The following SYDE2 variants were observed in gnomAD, a reference collection of about 807,000 sequenced individuals.
The protein encoded by SYDE2 is rho GTPase-activating protein SYDE2.
In SYDE2, 76 loss-of-function variants were observed where a neutral mutation model predicts 91.5. That is an observed-to-expected ratio of 0.83 (90% CI 0.69 to 1.01). SYDE2 has a LOEUF of 1.01. SYDE2 is among the 50% of genes least tolerant of loss of function. The pLI, the probability that SYDE2 is intolerant of heterozygous loss-of-function variation, is 0.00. For missense variants in SYDE2, 1,364 were observed against 1,367.7 expected (o/e 1.00, Z 0.04); for synonymous variants, 513 against 506.4 (o/e 1.01, Z -0.18).
intron 6 of SYDE2, chr1:85,159,924 A>C (rs984605577): frequency 4.1e-6 from 4 of 984,716 alleles, no homozygotes; most frequent in Non-Finnish European, 4.8e-6. Context: ...TAACAATCCC[A>C]AATAACATTT....
chr1:85,155,009 C>CAAAAAAAAAAAAAAAAAAAGAAAAAAAA, downstream of SYDE2, among the ~76,000 whole-genome samples: 1 of 80,676 alleles, frequency 1.2e-5, no homozygotes, highest in African/African-American at 6.3e-5. Flanking sequence ...AAGAATGCAG[C>CAAAAAAAAAAAAAAAAAAAGAAAAAAAA]AAAAAAAAAA....
At chr1:85,166,579 A>T (rs1007355866) in intron 5 of SYDE2, among the ~76,000 whole-genome samples, 6 of 152,188 alleles carry the variant, frequency 3.9e-5, no homozygotes, top group African/African-American at 1.4e-4. Flanking sequence ...AAGTGATAAC[A>T]GCTGGAATAA....
chr1:85,190,796 T>C (rs755213363), intron 1 of SYDE2, 44 bp from the exon 2 acceptor site: 1 of 1,480,138 alleles, frequency 6.8e-7, no homozygotes, highest in Non-Finnish European at 9.1e-7. Context: ...ATGGCTGGTA[T>C]ATCAGAAAGA....
chr1:85,176,169 T>A (rs987498651), intron 4 of SYDE2, among the ~76,000 whole-genome samples: 2 of 136,546 alleles, frequency 1.5e-5, no homozygotes, highest in Admixed American at 1.4e-4. Flanking sequence ...GCTGGAAATT[T>A]GTATTTATAA....
At chr1:85,184,057 G>C (rs531473933) in intron 2 of SYDE2, among the ~76,000 whole-genome samples, 1 of 152,138 alleles carries the variant, frequency 6.6e-6, no homozygotes, top group African/African-American at 2.4e-5. Context: ...AAATTCCACA[G>C]TCGCTTAAAA....
Position 85,190,404 on chromosome 1 carries a change from T to A in SYDE2, c.1094A>T (p.Asp365Val), listed in dbSNP as rs375072256. 2.4e-5 allele frequency: 38 copies of A among 1,613,882 alleles called. 1 individual carries two copies. The South Asian group carries it at 3.5e-4, about 15-fold the overall frequency. ...ATTGTACCATATTTCTCCTTCATCA[T>A]CTGCATCATTTTCCTCATTAAAATC... ...ALDFNEENDA[D>V]DEGEIWYNPI... Residue 365 changes from aspartate (D) to valine (V), a missense_variant, in exon 2 of 7, where the codon GAT (aspartate) becomes GTT (valine). Physicochemically the swap from Asp to Val is radical, Grantham distance 152. Coordinates refer to ENST00000341460, the MANE Select transcript of SYDE2 (RefSeq NM_032184.2).
At position 85,159,184 on chromosome 1, in the gene SYDE2, A is replaced by G. The variant is rs756005366; in HGVS notation, c.3151T>C (p.Tyr1051His). Reference sequence around the variant, plus strand: ...GGTCGTTCTTTCTTCTGCCTCAGATAATTCAGAGAAGACTTCTGCTCTGGG... The same window carrying G: ...GGTCGTTCTTTCTTCTGCCTCAGATGATTCAGAGAAGACTTCTGCTCTGGG... ...LFPEQKSSLN[Y>H]LRQKKERPHM... The change falls in exon 7 of 7, where the codon TAT becomes CAT. Residue 1051 changes from tyrosine (Y) to histidine (H), a missense_variant. Transcript: ENST00000341460. 7.7e-6 allele frequency: 6 copies of G among 780,700 alleles called. No homozygotes were observed. In the Admixed American group the frequency reaches 1.0e-4, roughly 13 times the overall value. 48.4% of individuals were successfully genotyped at this position (780,700 alleles called of 1,614,324 possible).
intron 6 of SYDE2, chr1:85,159,911 A>T (rs1656995816): frequency 1.0e-6 from 1 of 984,292 alleles, no homozygotes; most frequent in South Asian, 4.7e-5. Context: ...CTGGTTAGGT[A>T]TTTAACAATC....
At position 85,182,416 on chromosome 1, in the gene SYDE2, C is replaced by T. The variant is rs367837897; in HGVS notation, c.2226G>A (p.Leu742=). 5 of 1,613,610 alleles carry T rather than the reference C, an allele frequency of 3.1e-6. No homozygotes were observed. The highest frequency in any genetic ancestry group is 4.2e-6 in the Non-Finnish European group (5 of 1,179,706). The change falls in exon 3 of 7, where the codon TTG becomes TTA. Residue 742 remains leucine (L), a synonymous_variant. Transcript: ENST00000341460. ...FNIEIENAQH[L]KLVVFSWEPT... is the part of the protein sequence containing the mutation. ...GTTCCCAACTGAATACTACTAGTTT[C>T]AAATGTTGTGCATTTTCAATTTCTA...
At chr1:85,163,869 T>G (rs960124321) in intron 6 of SYDE2, among the ~76,000 whole-genome samples, 5 of 152,202 alleles carry the variant, frequency 3.3e-5, no homozygotes, top group African/African-American at 1.2e-4. Context: ...CTTTTAACTC[T>G]GAAATTACAT....
rs1440883725 is a variant in SYDE2 at position 85,157,123 on chromosome 1, T to C, written c.*1627A>G. ...ATGGGTTTTCAAATTAAATAATGTC[T>C]GTTTATCAATATTTATTGCATAGAA... On this transcript the variant is annotated 3_prime_UTR_variant, in exon 7 of 7. Coordinates refer to ENST00000341460, the MANE Select transcript of SYDE2 (RefSeq NM_032184.2). 1 of 152,082 alleles carries C rather than the reference T, an allele frequency of 6.6e-6. No homozygotes were observed. Among genetic ancestry groups the C allele is most frequent in the Non-Finnish European group, 1.5e-5 (1 of 67,942 alleles). 9.4% of individuals were successfully genotyped at this position (152,082 alleles called of 1,614,324 possible). A position where few individuals can be genotyped will look rare whatever the true frequency, so the allele number is the denominator to read the frequency against.
chr1:85,178,296 T>C (rs1319614850), intron 3 of SYDE2, 24 bp from the exon 4 acceptor site: 3 of 1,540,714 alleles, frequency 1.9e-6, no homozygotes, highest in Non-Finnish European at 2.6e-6. Context: ...TATGGCCACA[T>C]TACAGTAAAT....
Position 85,182,201 on chromosome 1 carries a change from A to G in SYDE2, c.2441T>C (p.Phe814Ser). 6.2e-7 allele frequency: 1 copy of G among 1,609,102 alleles called. No homozygotes were observed. The highest frequency in any genetic ancestry group is 1.1e-5 in the South Asian group (1 of 90,100). ...TACAACTTTTTGAATATCAACTCCA[A>G]ATATTATTGGTTCTTGGTTTATATC... ...GLDINQEPII[F>S]GVDIQKVVEK... The change falls in exon 3 of 7, where the codon TTT becomes TCT. Residue 814 changes from phenylalanine (F) to serine (S), a missense_variant. Coordinates refer to ENST00000341460, the MANE Select transcript of SYDE2 (RefSeq NM_032184.2).
intron 1 of SYDE2, among the ~76,000 whole-genome samples, chr1:85,199,592 AT>A (rs1259212851): frequency 6.6e-6 from 1 of 152,040 alleles, no homozygotes; most frequent in African/African-American, 2.4e-5. Flanking sequence ...AGTGTCCTTG[AT>A]TTTTCACAAT....
At chr1:85,163,805 T>A (rs1292085637) in intron 6 of SYDE2, among the ~76,000 whole-genome samples, 1 of 151,972 alleles carries the variant, frequency 6.6e-6, no homozygotes, top group Non-Finnish European at 1.5e-5. Context: ...TCTAAGAAAA[T>A]TTTGAAATTT....
intron 3 of SYDE2, chr1:85,181,501 T>G (rs551655157): frequency 5.9e-5 from 9 of 152,238 alleles, no homozygotes; most frequent in African/African-American, 2.2e-4. Flanking sequence ...AGAGATTAAG[T>G]GACTTGCCCA....
In SYDE2 at chr1:85,200,668, C is replaced by T; in HGVS notation, c.329G>A (p.Cys110Tyr). The T allele has an allele frequency of 6.5e-7, 1 of 1,538,188 alleles. No individual in the cohort carries two copies. Among genetic ancestry groups the T allele is most frequent in the Non-Finnish European group, 8.7e-7 (1 of 1,147,418 alleles). Reference protein sequence around the residue: ...QRWPSDSWIRCGAHRDWDEPP... With the variant: ...QRWPSDSWIRYGAHRDWDEPP... The stretch of plus-strand genomic sequence containing the variant: ...CTCGTCCCAGTCCCGGTGCGCGCCG[C>T]ACCTGATCCAGCTGTCGCTCGGCCA... Residue 110 changes from cysteine to tyrosine, a missense_variant, in exon 1 of 7, where the codon TGC becomes TAC. Coordinates refer to ENST00000341460, the MANE Select transcript of SYDE2 (RefSeq NM_032184.2).
At position 85,157,079 on chromosome 1, in the gene SYDE2, ATATT is replaced by A. The variant is rs1656899709; in HGVS notation, c.*1667_*1670del. On this transcript the variant is annotated 3_prime_UTR_variant, in exon 7 of 7. Transcript: ENST00000341460. ...TAAAAAATGAAAATTTCATATAAAA[ATATT>A]TATCTTTTTTAACAATGGGTTTTCA... The A allele has an allele frequency of 2.0e-5, 3 of 152,028 alleles. No individual in the cohort carries two copies. In the South Asian group the frequency reaches 6.2e-4, roughly 31 times the overall value. The allele number at this position is 152,028 out of a possible 1,614,324, so 9.4% of individuals were successfully genotyped here. A position where few individuals can be genotyped will look rare whatever the true frequency, so the allele number is the denominator to read the frequency against.
intron 6 of SYDE2, chr1:85,160,271 T>G (rs1024895743): frequency 3.2e-6 from 3 of 949,558 alleles, no homozygotes; most frequent in African/African-American, 1.8e-5. Flanking sequence ...ATAAGACAAC[T>G]GAAAAACTAT....
Sources: allele counts gnomAD v4.1 joint callset (sites outside exome capture counted in the v4.1 genomes callset), GRCh38; gene constraint gnomAD v4.1.1; transcripts MANE v1.5; gene names NCBI Gene and HGNC (gene_info 2026-07-23, HGNC 2026-07-21).